Variants in KLHL36 observed in about 807,000 individuals in gnomAD.
The protein encoded by KLHL36 is kelch like family member 36.
KLHL36 carries 35 observed loss-of-function variants against 53.3 expected under a neutral mutation model. That is an observed-to-expected ratio of 0.66 (90% CI 0.50 to 0.87). The LOEUF is 0.87. Ranked by LOEUF, KLHL36 falls within the 40% of genes least tolerant of loss-of-function variation. The pLI, the probability that KLHL36 is intolerant of heterozygous loss-of-function variation, is 0.00. For synonymous variants in KLHL36, 472 were observed against 398.9 expected, an observed-to-expected ratio of 1.18 and a Z score of -2.18; for missense variants, 864 against 897.6, an observed-to-expected ratio of 0.96 and a Z score of 0.48.
chr16:84,663,369 A>G lies in KLHL36; in HGVS notation c.*1236A>G, dbSNP rs1243255425. ...CCTTCAGGATGTGGAGCTGGCCTGC[A>G]CTGACTCCTGCAAACAGTTCCTAAA... On this transcript the variant is annotated 3_prime_UTR_variant, in exon 5 of 5. Transcript: ENST00000564996. 6.6e-6 allele frequency: 1 copy of G among 152,304 alleles called. No individual in the cohort carries two copies. Among genetic ancestry groups the G allele is most frequent in the Non-Finnish European group, 1.5e-5 (1 of 68,108 alleles). 9.4% of individuals were successfully genotyped at this position (152,304 alleles called of 1,614,324 possible).
rs758660520 is a variant in KLHL36 at position 84,649,854 on chromosome 16, A to G, written c.-16-998A>G. On this transcript the variant is annotated intron_variant, in intron 1 of 4. Transcript: ENST00000564996. ...TTCTCATGAACTCAAATAGCGGGGG[A>G]AAAAAATCCTCTTTAAAACCTTCGT... 5.6e-4 allele frequency among the ~76,000 whole-genome samples: 76 copies of G among 134,914 alleles called. 1 individual carries two copies. Among genetic ancestry groups the G allele is most frequent in the Non-Finnish European group, 1.2e-3 (70 of 59,660 alleles). 88.5% of individuals were successfully genotyped at this position (134,914 alleles called of 152,430 possible). A position where few individuals can be genotyped will look rare whatever the true frequency, so the allele number is the denominator to read the frequency against.
In KLHL36 at chr16:84,656,859, T is replaced by C. The variant is rs746402097; in HGVS notation, c.64-12T>C. On this transcript the variant is annotated splice_polypyrimidine_tract_variant and intron_variant, in intron 2 of 4. Coordinates refer to ENST00000564996, the MANE Select transcript of KLHL36 (RefSeq NM_024731.4). ...GCTGCTGCGCCGTTTCTAATGTGTCTTCTCTGTCCAGGTATACCGCTGGGC... is the reference window on the plus strand; with the variant it reads ...GCTGCTGCGCCGTTTCTAATGTGTCCTCTCTGTCCAGGTATACCGCTGGGC... 5 of 1,591,038 alleles carry C rather than the reference T, an allele frequency of 3.1e-6. No individual in the cohort carries two copies. In the Admixed American group the frequency reaches 8.4e-5, roughly 27 times the overall value.
At chr16:84,649,667 T>TC (rs1567553926) in intron 1 of KLHL36, among the ~76,000 whole-genome samples, 1 of 152,206 alleles carries the variant, frequency 6.6e-6, no homozygotes, top group Non-Finnish European at 1.5e-5. Context: ...GCCCCTTCTC[T>TC]CCCTAGGGGA....
rs186091311 is a variant in KLHL36, at chr16:84,659,956, G to A, written c.1295+39G>A. 1.8e-4 allele frequency: 287 copies of A among 1,584,060 alleles called. 2 individuals carry two copies. The East Asian group carries it at 5.7e-3, about 31-fold the overall frequency. ...TGGTGGAAGGTTCTCCAAATGGGAT[G>A]TTTTTAAGGGACATAGTTCAGTCCA... On this transcript the variant is annotated intron_variant, in intron 4 of 4. Transcript: ENST00000564996.
rs1465185107 is a variant in KLHL36, at chr16:84,657,519, C to G, written c.712C>G (p.Pro238Ala). 1.2e-6 allele frequency: 2 copies of G among 1,609,686 alleles called. No homozygotes were observed. Among genetic ancestry groups the G allele is most frequent in the African/African-American group, 2.7e-5 (2 of 74,916 alleles). The change falls in exon 3 of 5, where the codon CCG becomes GCG. Residue 238 changes from proline to alanine, a missense_variant. Coordinates refer to ENST00000564996, the MANE Select transcript of KLHL36 (RefSeq NM_024731.4). ...CCAGGTGCTGGAGAACATCCACTTC[C>G]CGCTCATCCCCAAGAACGACCTGCT... The part of the protein sequence containing the change: ...ARQVLENIHF[P>A]LIPKNDLLHR...
rs1907689988 is a variant in KLHL36, at chr16:84,663,765, C to T, written c.*1632C>T. 6.6e-6 allele frequency: 1 copy of T among 152,218 alleles called. No individual in the cohort carries two copies. Among genetic ancestry groups the T allele is most frequent in the African/African-American group, 2.4e-5 (1 of 41,430 alleles). The allele number at this position is 152,218 out of a possible 1,614,324, so 9.4% of individuals were successfully genotyped here. ...TCCATTTCTTCTGCTTCTTTGCTGC[C>T]CCTCCTTTCCCTTCCCTTCAGGGTT... On this transcript the variant is annotated 3_prime_UTR_variant, in exon 5 of 5. Transcript: ENST00000564996.
intron 2 of KLHL36, among the ~76,000 whole-genome samples, chr16:84,653,280 C>T (rs568636806): frequency 3.7e-4 from 56 of 152,264 alleles, no homozygotes; most frequent in African/African-American, 1.3e-3. Context: ...TACCTGGTAC[C>T]TGCCGCCTCC....
rs2080738880 is a variant in KLHL36 at position 84,665,183 on chromosome 16, C to G, written c.*3050C>G. ...CCATTTTGAGAGGGAAACAGCCACA[C>G]ATGTCATCATGTTAAACTTTCAGTG... is the stretch of plus-strand genomic sequence containing the variant. On this transcript the variant is annotated 3_prime_UTR_variant, in exon 5 of 5. Coordinates refer to ENST00000564996, the MANE Select transcript of KLHL36 (RefSeq NM_024731.4). The G allele has an allele frequency of 6.6e-6, 1 of 151,796 alleles. No individual in the cohort carries two copies. Among genetic ancestry groups the G allele is most frequent in the Admixed American group, 6.6e-5 (1 of 15,260 alleles). The allele number at this position is 151,796 out of a possible 1,614,324, so 9.4% of individuals were successfully genotyped here.
rs1275940614 is a variant in KLHL36, at chr16:84,662,848, C to G, written c.*715C>G. On this transcript the variant is annotated 3_prime_UTR_variant, in exon 5 of 5. Coordinates refer to ENST00000564996, the MANE Select transcript of KLHL36 (RefSeq NM_024731.4). ...GCTGTTTCTGAATAATTCCGTCTTT[C>G]CTCATTGGAAACCTTCTTGAATTCT... is the stretch of plus-strand genomic sequence containing the variant. 1.4e-5 allele frequency: 2 copies of G among 146,162 alleles called. No homozygotes were observed. The highest frequency in any genetic ancestry group is 3.1e-5 in the Non-Finnish European group (2 of 65,138). 9.1% of individuals were successfully genotyped at this position (146,162 alleles called of 1,614,324 possible). A position where few individuals can be genotyped will look rare whatever the true frequency, so the allele number is the denominator to read the frequency against.
At position 84,667,588 on chromosome 16, in the gene KLHL36, G is replaced by C. The variant is rs1907907397; in HGVS notation, c.*5455G>C. 1 of 152,060 alleles carries C rather than the reference G, an allele frequency of 6.6e-6. No individual in the cohort carries two copies. Among genetic ancestry groups the C allele is most frequent in the African/African-American group, 2.4e-5 (1 of 41,386 alleles). 9.4% of individuals were successfully genotyped at this position (152,060 alleles called of 1,614,324 possible). On this transcript the variant is annotated 3_prime_UTR_variant, in exon 5 of 5. Coordinates refer to ENST00000564996, the MANE Select transcript of KLHL36 (RefSeq NM_024731.4). Reference sequence around the variant, plus strand: ...GGTTTATTTTATAATTACATTCCTAGTCTTGTGTGGTTATTGTAATGATGT... The same window carrying C: ...GGTTTATTTTATAATTACATTCCTACTCTTGTGTGGTTATTGTAATGATGT...
Position 84,661,885 on chromosome 16 carries a change from G to A in KLHL36, c.1603G>A (p.Ala535Thr), listed in dbSNP as rs746406205. 6.2e-7 allele frequency: 1 copy of A among 1,600,130 alleles called. No individual in the cohort carries two copies. The highest frequency in any genetic ancestry group is 1.7e-5 in the Admixed American group (1 of 59,542). The change falls in exon 5 of 5, where the codon GCC (alanine) becomes ACC (threonine). Residue 535 changes from alanine to threonine, a missense_variant. Ala to Thr is a moderately conservative substitution (Grantham distance 58, BLOSUM62 0). Transcript: ENST00000564996. The surrounding 1 kb of genome is among the most constrained non-coding windows in gnomAD (Gnocchi z 7.9). ...QWTRVAPLLHANSESGVAVWE... is the reference protein window; with the variant it reads ...QWTRVAPLLHTNSESGVAVWE... Reference sequence around the variant, plus strand: ...GACCCGCGTGGCGCCGCTGCTGCACGCCAACAGCGAGTCGGGCGTGGCAGT... The same window carrying A: ...GACCCGCGTGGCGCCGCTGCTGCACACCAACAGCGAGTCGGGCGTGGCAGT...
intron 2 of KLHL36, among the ~76,000 whole-genome samples, chr16:84,651,247 C>G (rs1173194584): frequency 6.6e-6 from 1 of 152,142 alleles, no homozygotes; most frequent in African/African-American, 2.4e-5. Flanking sequence ...AACTGGGATT[C>G]CCATGCCTGC....
chr16:84,651,592 C>T (rs1360900444), intron 2 of KLHL36, among the ~76,000 whole-genome samples: 7 of 152,128 alleles, frequency 4.6e-5, no homozygotes, highest in Non-Finnish European at 2.9e-5. Context: ...ACCTGTTTCC[C>T]CGTTATAAAT....
chr16:84,650,933 C>T lies in KLHL36; in HGVS notation c.63+3C>T. The T allele has an allele frequency of 6.2e-7, 1 of 1,608,652 alleles. No individual in the cohort carries two copies. The highest frequency in any genetic ancestry group is 1.3e-5 in the African/African-American group (1 of 74,678). The stretch of plus-strand genomic sequence containing the variant: ...ACAAGATCAGCGAATCATCAAAGGT[C>T]TGTGAATGTTCACTCACCACCTATG... On this transcript the variant is annotated splice_donor_region_variant and intron_variant, in intron 2 of 4. Transcript: ENST00000564996.
intron 2 of KLHL36, 140 bp downstream of exon 2, chr16:84,651,070 C>T (rs913926256): frequency 2.3e-5 from 15 of 664,534 alleles, no homozygotes; most frequent in East Asian, 2.1e-4. Flanking sequence ...AAGGTGGAAA[C>T]GGGCAAGGAG....
chr16:84,652,975 T>C (rs1325319562), intron 2 of KLHL36, among the ~76,000 whole-genome samples: 8 of 152,026 alleles, frequency 5.3e-5, no homozygotes, highest in African/African-American at 1.7e-4. Context: ...CCCAGCACCC[T>C]GGGAGGCCGA....
chr16:84,659,531 G>GT, intron 3 of KLHL36: 2 of 504,768 alleles, frequency 4.0e-6, no homozygotes, highest in Non-Finnish European at 3.6e-6. Context: ...CCCCCTTTTG[G>GT]GGACTCAGAG....
In KLHL36 at chr16:84,661,214, T is replaced by A. The variant is rs1394189642; in HGVS notation, c.1296-364T>A. Among the ~76,000 whole-genome samples, 1 of 152,190 alleles carries A rather than the reference T, an allele frequency of 6.6e-6. No individual in the cohort carries two copies. Among genetic ancestry groups the A allele is most frequent in the Non-Finnish European group, 1.5e-5 (1 of 68,032 alleles). ...ACTGTATGTCGTATTTCCTCTTTGA[T>A]GTGTGATTCATCGGGTGCATGTGTG... On this transcript the variant is annotated intron_variant, in intron 4 of 4. Transcript: ENST00000564996. The surrounding 1 kb of genome is among the most constrained non-coding windows in gnomAD (Gnocchi z 7.9).
In KLHL36 at chr16:84,664,126, A is replaced by T. The variant is rs568370630; in HGVS notation, c.*1993A>T. The stretch of plus-strand genomic sequence containing the variant: ...TCGTTTGTCTCATACCTAGTCCCAG[A>T]CCCCCACAAAACATGTTTTGCAGAA... On this transcript the variant is annotated 3_prime_UTR_variant, in exon 5 of 5. Coordinates refer to ENST00000564996, the MANE Select transcript of KLHL36 (RefSeq NM_024731.4). The T allele has an allele frequency of 1.3e-5, 2 of 152,110 alleles. No homozygotes were observed. Among genetic ancestry groups the T allele is most frequent in the South Asian group, 4.2e-4 (2 of 4,814 alleles). The allele number at this position is 152,110 out of a possible 1,614,324, so 9.4% of individuals were successfully genotyped here.
Sources: gnomAD v4.1 joint callset for allele counts (sites outside exome capture counted in the v4.1 genomes callset) on GRCh38, gnomAD v4.1.1 for gene constraint, Gnocchi (gnomAD v3.1) non-coding constraint, MANE v1.5 for transcripts, NCBI Gene and HGNC (gene_info 2026-07-23, HGNC 2026-07-21) for gene names.